KLHL3: variants seen among roughly 807,000 people sequenced by gnomAD.
KLHL3 encodes the protein kelch-like protein 3.
A neutral mutation model predicts 70.5 loss-of-function variants in KLHL3; 19 were observed. The ratio of observed to expected loss-of-function variants is 0.27; its 90% confidence interval spans 0.19 to 0.40. KLHL3 has a LOEUF of 0.40. KLHL3 is among the 10% of genes least tolerant of loss of function. The pLI is 1.00. For synonymous variants in KLHL3, 258 were observed against 290.3 expected, an observed-to-expected ratio of 0.89 and a Z score of 1.13; for missense variants, 512 against 771.1, an observed-to-expected ratio of 0.66 and a Z score of 3.98.
In KLHL3 at chr5:137,665,702, G is replaced by C. The variant is rs531255176; in HGVS notation, c.637-3671C>G. The stretch of plus-strand genomic sequence containing the variant: ...TTGAAATGAAAGCTTTATCTGCCAG[G>C]AGGAAAAAAGGACTCCAATTTTTCT... On this transcript the variant is annotated intron_variant, in intron 6 of 14. Coordinates refer to ENST00000309755, the MANE Select transcript of KLHL3 (RefSeq NM_017415.3). Among the ~76,000 whole-genome samples, 17 of 152,242 alleles carry C rather than the reference G, an allele frequency of 1.1e-4. No individual in the cohort carries two copies. In the East Asian group the frequency reaches 3.3e-3, roughly 29 times the overall value.
chr5:137,665,406 T>C (rs79599895), intron 6 of KLHL3, among the ~76,000 whole-genome samples: 58 of 152,344 alleles, frequency 3.8e-4, no homozygotes, highest in African/African-American at 1.4e-3. Context: ...ATTTCCTCGT[T>C]CTTAAGAGAT....
At chr5:137,706,892 A>C (rs1752696148) in intron 3 of KLHL3, among the ~76,000 whole-genome samples, 1 of 152,208 alleles carries the variant, frequency 6.6e-6, no homozygotes. Context: ...AAAGAGTATG[A>C]TTGGCCAGGG....
chr5:137,656,421 A>G (rs373279054), intron 8 of KLHL3, among the ~76,000 whole-genome samples: 35 of 152,354 alleles, frequency 2.3e-4, no homozygotes, highest in South Asian at 4.1e-4. Flanking sequence ...GTACATTTGT[A>G]TCTATCTGTG....
At chr5:137,689,473 C>G (rs1752263828) in intron 5 of KLHL3, among the ~76,000 whole-genome samples, 2 of 152,200 alleles carry the variant, frequency 1.3e-5, no homozygotes, top group African/African-American at 4.8e-5. Context: ...ATGTGGTACA[C>G]CATGGAATAC....
intron 6 of KLHL3, among the ~76,000 whole-genome samples, chr5:137,663,558 A>G (rs989848366): frequency 1.3e-5 from 2 of 151,654 alleles, no homozygotes; most frequent in South Asian, 4.1e-4. Flanking sequence ...TAATTATATA[A>G]GATTGCTTAT....
chr5:137,679,750 G>T (rs181784858), intron 5 of KLHL3, among the ~76,000 whole-genome samples: 54 of 152,242 alleles, frequency 3.5e-4, no homozygotes, highest in African/African-American at 1.3e-3. Flanking sequence ...TTTCTGAAGT[G>T]GGCTGCTTCT....
intron 8 of KLHL3, among the ~76,000 whole-genome samples, chr5:137,644,037 C>A (rs541244692): frequency 1.3e-5 from 2 of 152,194 alleles, no homozygotes; most frequent in East Asian, 3.9e-4. Flanking sequence ...CCAGGTTCAT[C>A]CACGTTGTCA....
At chr5:137,627,093 G>A (rs931058291) in intron 13 of KLHL3, among the ~76,000 whole-genome samples, 4 of 151,974 alleles carry the variant, frequency 2.6e-5, no homozygotes, top group African/African-American at 7.3e-5. Flanking sequence ...AATCACTCAA[G>A]TATTACTTAT....
chr5:137,702,126 GGAGA>G (rs1172486985), intron 3 of KLHL3, among the ~76,000 whole-genome samples: 1 of 152,176 alleles, frequency 6.6e-6, no homozygotes, highest in East Asian at 1.9e-4. Context: ...TCAGTCTGGT[GGAGA>G]GAGAGACAAG....
chr5:137,704,908 C>A (rs1294926886), intron 3 of KLHL3, among the ~76,000 whole-genome samples: 1 of 152,206 alleles, frequency 6.6e-6, no homozygotes, highest in African/African-American at 2.4e-5. Context: ...AGCCCTATGT[C>A]ACTGTCACTT....
chr5:137,706,133 T>A (rs1331355198), intron 3 of KLHL3: 1 of 985,290 alleles, frequency 1.0e-6, no homozygotes, highest in Admixed American at 6.2e-5. Context: ...CCTCAGGACA[T>A]TTGGGCAACA....
At chr5:137,691,618 T>A (rs1412349012) in intron 5 of KLHL3, among the ~76,000 whole-genome samples, 2 of 151,320 alleles carry the variant, frequency 1.3e-5, no homozygotes, top group African/African-American at 4.9e-5. Flanking sequence ...ACGTGACTTT[T>A]TTTTTTTTTT....
At chr5:137,624,030 C>A (rs1750389525) in intron 14 of KLHL3, among the ~76,000 whole-genome samples, 1 of 152,198 alleles carries the variant, frequency 6.6e-6, no homozygotes, top group Non-Finnish European at 1.5e-5. Context: ...CAGGCTATTA[C>A]AAATGTTTTC....
chr5:137,706,468 T>A, intron 3 of KLHL3: 1 of 759,514 alleles, frequency 1.3e-6, no homozygotes, highest in Non-Finnish European at 1.6e-6. Flanking sequence ...CATAAGCTGG[T>A]ACAACTGTTC....
At chr5:137,659,852 T>G (rs1333231682) in intron 7 of KLHL3, among the ~76,000 whole-genome samples, 3 of 152,220 alleles carry the variant, frequency 2.0e-5, no homozygotes, top group South Asian at 4.1e-4. Flanking sequence ...AATAAACATT[T>G]TATCACAACA....
At chr5:137,734,544 A>G (rs768582727) in intron 1 of KLHL3, among the ~76,000 whole-genome samples, 9 of 152,236 alleles carry the variant, frequency 5.9e-5, no homozygotes, top group Non-Finnish European at 1.2e-4. Context: ...GAGACACAGA[A>G]GTCACAACAA....
At chr5:137,637,217 A>G in intron 11 of KLHL3, 77 bp downstream of exon 11, 1 of 1,172,700 alleles carries the variant, frequency 8.5e-7, no homozygotes, top group Non-Finnish European at 1.3e-6. Flanking sequence ...TAGAGGAAGC[A>G]CCAAGCATGA....
Position 137,637,322 on chromosome 5 carries a change from C to T in KLHL3, c.1293G>A (p.Arg431=), listed in dbSNP as rs781501034. Residue 431 remains arginine (R), a synonymous_variant, in exon 11 of 15, where the codon CGG becomes CGA. Transcript: ENST00000309755. ...CCACAACGCCCACACCCACACTGCT[C>T]CGCCGCGTGTTCATCGGGGCCACAA... ...WFFVAPMNTR[R]SSVGVGVVEG... is the part of the protein sequence containing the mutation. 6.2e-7 allele frequency: 1 copy of T among 1,614,144 alleles called. No homozygotes were observed. Among genetic ancestry groups the T allele is most frequent in the Non-Finnish European group, 8.5e-7 (1 of 1,179,966 alleles).
At chr5:137,640,987 G>T (rs889423782) in intron 8 of KLHL3, among the ~76,000 whole-genome samples, 1 of 152,134 alleles carries the variant, frequency 6.6e-6, no homozygotes, top group Non-Finnish European at 1.5e-5. Flanking sequence ...GCAAGGGCAT[G>T]GTCAAACACA....
Sources: gnomAD v4.1 joint callset for allele counts (sites outside exome capture counted in the v4.1 genomes callset) on GRCh38, gnomAD v4.1.1 for gene constraint, MANE v1.5 for transcripts, NCBI Gene and HGNC (gene_info 2026-07-23, HGNC 2026-07-21) for gene names.